The following B3GALT1 variants were observed in gnomAD, a reference collection of about 807,000 sequenced individuals.
B3GALT1 encodes UDP-Gal:betaGlcNAc beta 1,3-galactosyltransferase, polypeptide 1.
B3GALT1 carries 10 observed loss-of-function variants against 23.2 expected under a neutral mutation model. The observed-to-expected ratio is 0.43, with a 90% CI of 0.27 to 0.73. The LOEUF is 0.73. B3GALT1 is among the 30% of genes least tolerant of loss of function. B3GALT1 has a pLI of 0.21. For synonymous variants in B3GALT1, 156 were observed against 141.5 expected, an observed-to-expected ratio of 1.10 and a Z score of -0.73; for missense variants, 299 against 405.4, an observed-to-expected ratio of 0.74 and a Z score of 2.25.
At chr2:167,762,726 A>G (rs1394271889) in intron 3 of B3GALT1, among the ~76,000 whole-genome samples, 2 of 152,152 alleles carry the variant, frequency 1.3e-5, no homozygotes, top group African/African-American at 4.8e-5. Flanking sequence ...CTTTCTGGAG[A>G]AAAAACTCCA....
rs559991670 is a variant in B3GALT1, at chr2:167,428,435, G to C, written c.-510-61742G>C. Among the ~76,000 whole-genome samples, 5 of 152,272 alleles carry C rather than the reference G, an allele frequency of 3.3e-5. No homozygotes were observed. The South Asian group carries it at 8.3e-4, about 25-fold the overall frequency. On this transcript the variant is annotated intron_variant, in intron 1 of 4. Transcript: ENST00000392690. ...TACGCCAGTTATTCCAGCACTTTGG[G>C]GGGCTGAGGTGAGAGGATCACTTGA...
intron 3 of B3GALT1, among the ~76,000 whole-genome samples, chr2:167,751,404 C>T (rs1574244548): frequency 6.6e-6 from 1 of 152,236 alleles, no homozygotes; most frequent in East Asian, 1.9e-4. Flanking sequence ...AGACAATCTG[C>T]CCTGGCATGT....
chr2:167,568,623 TAAC>T (rs1285350646), intron 2 of B3GALT1, among the ~76,000 whole-genome samples: 1 of 152,082 alleles, frequency 6.6e-6, no homozygotes, highest in Admixed American at 6.6e-5. Flanking sequence ...ATATTTTAGA[TAAC>T]AATATTTTAT....
At chr2:167,413,647 GTT>G (rs1698424932) in intron 1 of B3GALT1, among the ~76,000 whole-genome samples, 1 of 151,676 alleles carries the variant, frequency 6.6e-6, no homozygotes, top group South Asian at 2.1e-4. Flanking sequence ...TAAATTTTAT[GTT>G]TTCAAGTGTC....
At chr2:167,786,348 A>T (rs1688345156) in intron 3 of B3GALT1, among the ~76,000 whole-genome samples, 2 of 152,226 alleles carry the variant, frequency 1.3e-5, no homozygotes, top group African/African-American at 2.4e-5. Context: ...AGTGGTAATT[A>T]AACTATATAG....
At chr2:167,562,213 T>G (rs1684014470) in intron 2 of B3GALT1, among the ~76,000 whole-genome samples, 1 of 152,214 alleles carries the variant, frequency 6.6e-6, no homozygotes, top group South Asian at 2.1e-4. Context: ...AACCACATGA[T>G]TATCTCAATA....
chr2:167,389,909 CAA>C (rs141871874), intron 1 of B3GALT1, among the ~76,000 whole-genome samples: 5 of 112,596 alleles, frequency 4.4e-5, no homozygotes, highest in African/African-American at 1.3e-4. Flanking sequence ...ATACCCTGTC[CAA>C]AAAAAAAAAA....
intron 4 of B3GALT1, among the ~76,000 whole-genome samples, chr2:167,829,032 A>AAACT (rs1206358052): frequency 6.6e-6 from 1 of 152,224 alleles, no homozygotes; most frequent in Non-Finnish European, 1.5e-5. Context: ...GCTTTTATCA[A>AAACT]AACTAACTTT....
intron 3 of B3GALT1, among the ~76,000 whole-genome samples, chr2:167,802,918 A>AT (rs10715952): frequency 6.6e-6 from 1 of 151,870 alleles, no homozygotes; most frequent in Non-Finnish European, 1.5e-5. Flanking sequence ...ATAAATTAGT[A>AT]TTTTTTTATC....
intron 3 of B3GALT1, among the ~76,000 whole-genome samples, chr2:167,690,871 G>T (rs2105501115): frequency 6.6e-6 from 1 of 152,176 alleles, no homozygotes; most frequent in South Asian, 2.1e-4. Context: ...TTATTTGCAT[G>T]CAGAAGAATG....
At chr2:167,530,321 C>A (rs970532258) in intron 2 of B3GALT1, among the ~76,000 whole-genome samples, 1 of 152,108 alleles carries the variant, frequency 6.6e-6, no homozygotes, top group African/African-American at 2.4e-5. Flanking sequence ...TTTTGTTTAT[C>A]TCTTTTTTGT....
chr2:167,644,485 T>TA (rs1414634299), intron 2 of B3GALT1, among the ~76,000 whole-genome samples: 1 of 152,042 alleles, frequency 6.6e-6, no homozygotes, highest in East Asian at 1.9e-4. Flanking sequence ...GAATTGATCT[T>TA]AAAAAACATT....
At chr2:167,593,091 A>G (rs924087052) in intron 2 of B3GALT1, among the ~76,000 whole-genome samples, 1 of 152,226 alleles carries the variant, frequency 6.6e-6, no homozygotes, top group African/African-American at 2.4e-5. Flanking sequence ...AAATATTCAT[A>G]CCATACACTC....
At chr2:167,726,892 A>G (rs1402580625) in intron 3 of B3GALT1, among the ~76,000 whole-genome samples, 1 of 152,208 alleles carries the variant, frequency 6.6e-6, no homozygotes, top group East Asian at 1.9e-4. Flanking sequence ...TCTTTGCTTT[A>G]GGCACTTCAT....
intron 4 of B3GALT1, among the ~76,000 whole-genome samples, chr2:167,836,361 C>T (rs1339947340): frequency 8.5e-5 from 13 of 152,100 alleles, no homozygotes; most frequent in African/African-American, 2.4e-4. Context: ...AGCCAAGGCT[C>T]GAGAACTATG....
At chr2:167,517,464 C>G (rs1475361015) in intron 2 of B3GALT1, among the ~76,000 whole-genome samples, 3 of 151,908 alleles carry the variant, frequency 2.0e-5, no homozygotes, top group African/African-American at 7.2e-5. Context: ...TACTGTTAAC[C>G]AATTTTAGCC....
At chr2:167,671,111 AG>A (rs1686318493) in intron 3 of B3GALT1, among the ~76,000 whole-genome samples, 1 of 152,238 alleles carries the variant, frequency 6.6e-6, no homozygotes, top group Non-Finnish European at 1.5e-5. Flanking sequence ...ATAATGACAA[AG>A]GATGTAACAA....
chr2:167,587,901 A>C (rs1382597949), intron 2 of B3GALT1, among the ~76,000 whole-genome samples: 1 of 152,210 alleles, frequency 6.6e-6, no homozygotes, highest in Non-Finnish European at 1.5e-5. Flanking sequence ...TAATTATTTT[A>C]CTGTCCTTTA....
chr2:167,630,510 G>T (rs1685420935), intron 2 of B3GALT1, among the ~76,000 whole-genome samples: 1 of 151,648 alleles, frequency 6.6e-6, no homozygotes, highest in African/African-American at 2.4e-5. Context: ...GACAATTATT[G>T]TTAATTTTTT....
Sources: gnomAD v4.1 joint callset for allele counts (sites outside exome capture counted in the v4.1 genomes callset) on GRCh38, gnomAD v4.1.1 for gene constraint, MANE v1.5 for transcripts, NCBI Gene and HGNC (gene_info 2026-07-23, HGNC 2026-07-21) for gene names.